CACNA2D3: variants seen among roughly 807,000 people sequenced by gnomAD.
CACNA2D3 encodes voltage-dependent calcium channel subunit alpha-2/delta-3.
CACNA2D3 carries 60 observed loss-of-function variants against 160.6 expected under a neutral mutation model. The observed-to-expected ratio is 0.37, with a 90% CI of 0.30 to 0.46. The LOEUF (loss-of-function observed/expected upper bound fraction) is 0.46. Ranked by LOEUF, CACNA2D3 falls within the 20% of genes least tolerant of loss-of-function variation. The probability of loss-of-function intolerance (pLI) is 1.00; values close to 1 mark genes in which losing one functional copy is unlikely to be tolerated. For synonymous variants in CACNA2D3, 558 were observed against 492.9 expected (o/e 1.13, Z -1.75); for missense variants, 1,205 against 1,365.0 (o/e 0.88, Z 1.85).
intron 4 of CACNA2D3, among the ~76,000 whole-genome samples, chr3:54,490,063 T>C (rs185609287): frequency 9.7e-4 from 148 of 152,306 alleles, no homozygotes; most frequent in African/African-American, 3.4e-3. Context: ...GTTTGGCTCA[T>C]GTAGAACTAG....
intron 10 of CACNA2D3, chr3:54,637,973 A>T (rs1449376259): frequency 6.6e-6 from 1 of 151,978 alleles, no homozygotes; most frequent in African/African-American, 2.4e-5. Context: ...TTCTGGAGAA[A>T]CGTCTGGCTG....
At chr3:54,745,939 G>A (rs963305383) in intron 11 of CACNA2D3, among the ~76,000 whole-genome samples, 3 of 152,034 alleles carry the variant, frequency 2.0e-5, no homozygotes, top group Non-Finnish European at 4.4e-5. Flanking sequence ...TATGATATTC[G>A]TTTGTTGAAA....
chr3:54,754,491 T>G (rs1248298439), intron 12 of CACNA2D3, among the ~76,000 whole-genome samples: 2 of 152,162 alleles, frequency 1.3e-5, no homozygotes, highest in African/African-American at 4.8e-5. Context: ...TATTCTCTTG[T>G]GTTATGTTGA....
Position 54,499,945 on chromosome 3 carries a change from A to T in CACNA2D3, c.382-3547A>T, listed in dbSNP as rs147219309. Among the ~76,000 whole-genome samples the T allele has an allele frequency of 3.6e-3, 544 of 152,302 alleles. 6 individuals are homozygous for T. Among genetic ancestry groups the T allele is most frequent in the African/African-American group, 0.012 (513 of 41,586 alleles). ...TGTTCATTTCAACTGTATTCTTACCAGTACTTTGCCTCCTGAGTCTGTCAG... is the reference window on the plus strand; with the variant it reads ...TGTTCATTTCAACTGTATTCTTACCTGTACTTTGCCTCCTGAGTCTGTCAG... On this transcript the variant is annotated intron_variant, in intron 4 of 37. Transcript: ENST00000474759.
At chr3:54,929,960 T>C (rs1701144550) in intron 27 of CACNA2D3, among the ~76,000 whole-genome samples, 1 of 152,154 alleles carries the variant, frequency 6.6e-6, no homozygotes, top group Non-Finnish European at 1.5e-5. Context: ...TGTGTGCCTC[T>C]CTCTTTCCCT....
intron 34 of CACNA2D3, among the ~76,000 whole-genome samples, chr3:55,014,238 G>A (rs1703277005): frequency 6.6e-6 from 1 of 152,202 alleles, no homozygotes; most frequent in African/African-American, 2.4e-5. Flanking sequence ...TGATGGTGAA[G>A]GTGGTGGTGG....
chr3:54,289,873 G>T (rs1703140656), intron 2 of CACNA2D3, among the ~76,000 whole-genome samples: 1 of 150,734 alleles, frequency 6.6e-6, no homozygotes, highest in Non-Finnish European at 1.5e-5. Flanking sequence ...AGCTGAAACT[G>T]GATCCCTTCC....
chr3:54,935,872 CAGTT>C (rs888241839), intron 27 of CACNA2D3, among the ~76,000 whole-genome samples: 1 of 152,236 alleles, frequency 6.6e-6, no homozygotes, highest in African/African-American at 2.4e-5. Context: ...CTCTGGAAAA[CAGTT>C]AGTCTTAAGC....
chr3:54,932,049 G>T lies in CACNA2D3; in HGVS notation c.2449+32181G>T, dbSNP rs139271248. On this transcript the variant is annotated intron_variant, in intron 27 of 37. Transcript: ENST00000474759. ...TACAAAAAATTAGCTGGGTGTGGTG[G>T]TGAGCGCCTATAGTCTGAGCTACTC... is the stretch of plus-strand genomic sequence containing the variant. 3.9e-3 allele frequency among the ~76,000 whole-genome samples: 589 copies of T among 152,190 alleles called. 15 individuals are homozygous for T. The highest frequency in any genetic ancestry group is 0.031 in the Admixed American group (471 of 15,280).
chr3:54,455,345 G>C (rs1700378824), intron 4 of CACNA2D3, among the ~76,000 whole-genome samples: 2 of 152,038 alleles, frequency 1.3e-5, no homozygotes, highest in Non-Finnish European at 2.9e-5. Flanking sequence ...TAGCGATGTT[G>C]AGCATTTTTT....
intron 2 of CACNA2D3, among the ~76,000 whole-genome samples, chr3:54,187,146 G>T (rs1039179613): frequency 1.6e-4 from 24 of 152,204 alleles, no homozygotes; most frequent in African/African-American, 5.5e-4. Context: ...CTGTGTTGAT[G>T]CCATTGCTGA....
intron 35 of CACNA2D3, among the ~76,000 whole-genome samples, chr3:55,018,955 T>G (rs1703388175): frequency 6.6e-6 from 1 of 151,390 alleles, no homozygotes; most frequent in Admixed American, 6.6e-5. Context: ...CCTTTTTTTT[T>G]TTTTTTTTTA....
At chr3:54,822,979 C>G (rs62254518) in intron 14 of CACNA2D3, among the ~76,000 whole-genome samples, 1 of 151,450 alleles carries the variant, frequency 6.6e-6, no homozygotes, top group Admixed American at 6.6e-5. Context: ...CTCAGCCTCC[C>G]GAGTAGCTGG....
At chr3:54,836,524 A>G (rs1698693687) in intron 14 of CACNA2D3, among the ~76,000 whole-genome samples, 1 of 152,070 alleles carries the variant, frequency 6.6e-6, no homozygotes, top group Non-Finnish European at 1.5e-5. Context: ...GTGAGCCACC[A>G]CGCCTGTCCT....
chr3:54,461,054 T>C (rs1396633069), intron 4 of CACNA2D3, among the ~76,000 whole-genome samples: 15 of 152,224 alleles, frequency 9.9e-5, no homozygotes, highest in East Asian at 1.9e-4. Context: ...TTGTCTTTGG[T>C]TCTGTTTATA....
At chr3:55,035,861 G>A (rs1455344541) in intron 35 of CACNA2D3, among the ~76,000 whole-genome samples, 3 of 152,162 alleles carry the variant, frequency 2.0e-5, no homozygotes, top group Admixed American at 1.3e-4. Flanking sequence ...TATGTGAAGT[G>A]GTGAATTCAG....
intron 4 of CACNA2D3, among the ~76,000 whole-genome samples, chr3:54,435,719 A>G (rs11713798): frequency 0.15 from 22,191 of 152,242 alleles, 1,680 homozygotes; most frequent in South Asian, 0.19. Context: ...CAGAGAAATC[A>G]TAACTTTAAT....
At position 54,640,481 on chromosome 3, in the gene CACNA2D3, G is replaced by A. The variant is rs551927301; in HGVS notation, c.1054-1647G>A. ...AGGGAATTTTTCACCCCGATTCCAG[G>A]GAAGGACATTCTGCTCTGGCAACCA... On this transcript the variant is annotated intron_variant, in intron 10 of 37. Transcript: ENST00000474759. Among the ~76,000 whole-genome samples the A allele has an allele frequency of 7.9e-5, 12 of 152,206 alleles. No homozygotes were observed. In the South Asian group the frequency reaches 1.0e-3, roughly 13 times the overall value.
Position 55,013,340 on chromosome 3 carries a change from A to G in CACNA2D3, c.2875+3897A>G, listed in dbSNP as rs534074028. ...CGACAGCGAGAGCTGCAGCTACTGC[A>G]CTGGAATTGTCTCATTCCAGCTGAC... On this transcript the variant is annotated intron_variant, in intron 34 of 37. Coordinates refer to ENST00000474759, the MANE Select transcript of CACNA2D3 (RefSeq NM_018398.3). Among the ~76,000 whole-genome samples, 187 of 152,344 alleles carry G rather than the reference A, an allele frequency of 1.2e-3. 3 individuals carry two copies. Among genetic ancestry groups the G allele is most frequent in the Non-Finnish European group, 1.3e-4 (9 of 68,030 alleles).
Sources: gnomAD v4.1 joint callset for allele counts (sites outside exome capture counted in the v4.1 genomes callset) on GRCh38, gnomAD v4.1.1 for gene constraint, MANE v1.5 for transcripts, NCBI Gene and HGNC (gene_info 2026-07-23, HGNC 2026-07-21) for gene names.